IGSF11: variants seen among roughly 807,000 people sequenced by gnomAD.
IGSF11 encodes the protein immunoglobulin superfamily member 11.
Under a neutral mutation model 41.0 loss-of-function variants are expected in IGSF11, and 22 were observed. That is an observed-to-expected ratio of 0.54 (90% CI 0.38 to 0.77). The LOEUF is 0.77. Among genes scored for constraint, IGSF11 ranks in the 30% least tolerant of loss-of-function variants. The probability of loss-of-function intolerance (pLI) is 0.00; values close to 1 mark genes in which losing one functional copy is unlikely to be tolerated. For synonymous variants in IGSF11, 219 were observed against 201.3 expected (o/e 1.09, Z -0.74); for missense variants, 444 against 530.8 (o/e 0.84, Z 1.61).
At chr3:119,111,212 T>C (rs1057381332) in intron 1 of IGSF11, among the ~76,000 whole-genome samples, 2 of 152,218 alleles carry the variant, frequency 1.3e-5, no homozygotes, top group Non-Finnish European at 2.9e-5. Flanking sequence ...ATTCTCCCCA[T>C]CACTTTCAGG....
chr3:119,073,174 G>C (rs2076430443), intron 1 of IGSF11, among the ~76,000 whole-genome samples: 1 of 151,832 alleles, frequency 6.6e-6, no homozygotes, highest in Admixed American at 6.6e-5. Context: ...AGACATAAAG[G>C]TTCTCCAAGT....
At chr3:119,056,424 A>G (rs1045801666) in intron 1 of IGSF11, among the ~76,000 whole-genome samples, 2 of 152,224 alleles carry the variant, frequency 1.3e-5, no homozygotes, top group Non-Finnish European at 1.5e-5. Flanking sequence ...TAAACCAGGA[A>G]GAAGTTGAAT....
At chr3:119,109,728 A>G (rs553154095), upstream of IGSF11, among the ~76,000 whole-genome samples, 5 of 151,708 alleles carry the variant, frequency 3.3e-5, no homozygotes, top group South Asian at 2.1e-4. Context: ...TGGGCATTTA[A>G]TGCTATAAAT....
chr3:118,955,482 T>G (rs759270495), intron 1 of IGSF11, among the ~76,000 whole-genome samples: 4 of 152,106 alleles, frequency 2.6e-5, no homozygotes. Context: ...CTTGAGTTGA[T>G]TTTTCTATAA....
At chr3:119,094,664 C>A (rs892387170) in intron 1 of IGSF11, among the ~76,000 whole-genome samples, 5 of 141,424 alleles carry the variant, frequency 3.5e-5, no homozygotes, top group African/African-American at 1.3e-4. Flanking sequence ...TCCCAGAGAG[C>A]AACTCTATTT....
At chr3:118,916,059 G>A (rs896014615) in intron 4 of IGSF11, among the ~76,000 whole-genome samples, 1 of 149,326 alleles carries the variant, frequency 6.7e-6, no homozygotes, top group Non-Finnish European at 1.5e-5. Flanking sequence ...CAAATGCTGA[G>A]AGATTTTGTC....
chr3:119,033,734 A>G (rs562425424), intron 1 of IGSF11, among the ~76,000 whole-genome samples: 2 of 152,238 alleles, frequency 1.3e-5, no homozygotes, highest in Non-Finnish European at 2.9e-5. Flanking sequence ...TAAATGGGAC[A>G]GAAAACTGGA....
At chr3:118,925,738 G>A (rs1559906482) in intron 4 of IGSF11, among the ~76,000 whole-genome samples, 1 of 152,028 alleles carries the variant, frequency 6.6e-6, no homozygotes, top group African/African-American at 2.4e-5. Context: ...CTATGCTCAC[G>A]TTTCTCCTAG....
chr3:119,043,534 C>T (rs1364234610), intron 1 of IGSF11, among the ~76,000 whole-genome samples: 1 of 152,140 alleles, frequency 6.6e-6, no homozygotes, highest in East Asian at 1.9e-4. Flanking sequence ...CGGCAACACC[C>T]TAGCTAACCA....
At chr3:119,085,528 T>A (rs183482528) in intron 1 of IGSF11, among the ~76,000 whole-genome samples, 22 of 152,282 alleles carry the variant, frequency 1.4e-4, no homozygotes, top group Non-Finnish European at 2.9e-4. Flanking sequence ...CAGCAATGGT[T>A]CTTAACCAAT....
intron 1 of IGSF11, among the ~76,000 whole-genome samples, chr3:118,993,888 G>GTGT (rs1369583068): frequency 2.6e-5 from 4 of 152,128 alleles, no homozygotes; most frequent in African/African-American, 9.7e-5. Context: ...ATACTAATGG[G>GTGT]TACAAGTTTT....
chr3:118,926,317 G>A, intron 3 of IGSF11, 61 bp from the exon 4 acceptor site: 1 of 1,332,424 alleles, frequency 7.5e-7, no homozygotes, highest in South Asian at 1.5e-5. Flanking sequence ...TGATGATGGA[G>A]GAGACATCAA....
chr3:118,902,563 G>C lies in IGSF11; in HGVS notation c.1253C>G (p.Pro418Arg), dbSNP rs1433486003. The change falls in exon 7 of 7, where the codon CCT becomes CGT. Residue 418 changes from proline (P) to arginine (R), a missense_variant. Around this residue, in one of 3 missense-constraint regions of IGSF11, gnomAD observed 223 missense variants for 226.2 expected, o/e 0.99. Transcript: ENST00000393775. The part of the protein sequence containing the change: ...HATLERIGAV[P>R]VMVPAQSRAG... ...CCGACTCTGGGCTGGTACCATGACA[G>C]GTACTGCACCAATTCGTTCCAGTGT... 1.6e-5 allele frequency: 26 copies of C among 1,599,414 alleles called. No homozygotes were observed. The highest frequency in any genetic ancestry group is 2.2e-5 in the Non-Finnish European group (26 of 1,171,114).
At chr3:119,081,096 C>T (rs2076578922) in intron 1 of IGSF11, among the ~76,000 whole-genome samples, 1 of 152,058 alleles carries the variant, frequency 6.6e-6, no homozygotes, top group African/African-American at 2.4e-5. Context: ...ATGTTATTTA[C>T]AACAGCTGAT....
upstream of IGSF11, among the ~76,000 whole-genome samples, chr3:119,039,643 T>C (rs1369279195): frequency 6.6e-6 from 1 of 152,224 alleles, no homozygotes; most frequent in African/African-American, 2.4e-5. Flanking sequence ...ATTATCTCTC[T>C]GACCACATCT....
At chr3:118,914,433 G>A (rs1348275045) in intron 4 of IGSF11, among the ~76,000 whole-genome samples, 2 of 151,492 alleles carry the variant, frequency 1.3e-5, no homozygotes, top group South Asian at 2.1e-4. Context: ...GCGAGGCATT[G>A]CCTCACCTGG....
intron 1 of IGSF11, among the ~76,000 whole-genome samples, chr3:119,119,867 C>T (rs2077309417): frequency 2.0e-5 from 3 of 152,160 alleles, no homozygotes; most frequent in Non-Finnish European, 4.4e-5. Flanking sequence ...AAAGAAGAGC[C>T]TGGCTTAGAA....
chr3:118,913,686 A>G (rs1232953999), intron 4 of IGSF11, among the ~76,000 whole-genome samples: 1 of 152,236 alleles, frequency 6.6e-6, no homozygotes, highest in Non-Finnish European at 1.5e-5. Context: ...AATGGAACAC[A>G]GAAAAAATGA....
chr3:118,984,188 G>C (rs909220868), intron 1 of IGSF11, among the ~76,000 whole-genome samples: 2 of 148,548 alleles, frequency 1.3e-5, no homozygotes, highest in East Asian at 3.9e-4. Context: ...AAAAAAAACA[G>C]ACATTTGCCT....
Sources: gnomAD v4.1 joint callset for allele counts (sites outside exome capture counted in the v4.1 genomes callset) on GRCh38, gnomAD v4.1.1 for gene constraint, gnomAD v4.1.1 regional missense constraint, MANE v1.5 for transcripts, NCBI Gene and HGNC (gene_info 2026-07-23, HGNC 2026-07-21) for gene names.